Variants in AGBL4 observed in about 807,000 individuals in gnomAD.
The protein encoded by AGBL4 is AGBL carboxypeptidase 4, also known as cytosolic carboxypeptidase 6.
AGBL4 carries 58 observed loss-of-function variants against 66.4 expected under a neutral mutation model. The ratio of observed to expected loss-of-function variants is 0.87; its 90% CI spans 0.71 to 1.09. The LOEUF (loss-of-function observed/expected upper bound fraction) is 1.09, where lower values mean the gene tolerates loss of function less well. AGBL4 is among the 50% of genes least tolerant of loss of function. AGBL4 has a pLI of 0.00. For synonymous variants in AGBL4, 234 were observed against 222.9 expected (o/e 1.05, Z -0.44); for missense variants, 579 against 631.0 (o/e 0.92, Z 0.88).
At chr1:48,648,472 G>A (rs565707723) in intron 8 of AGBL4, among the ~76,000 whole-genome samples, 14 of 152,190 alleles carry the variant, frequency 9.2e-5, no homozygotes, top group Non-Finnish European at 1.8e-4. Context: ...GAGAGTAGGA[G>A]GGAAATAGGC....
rs3054630 is a variant in AGBL4, at chr1:49,465,210, TACACACACACACAC to T, written c.283-219360_283-219347del. Among the ~76,000 whole-genome samples the T allele has an allele frequency of 2.3e-3, 272 of 116,838 alleles. 3 individuals carry two copies. Among genetic ancestry groups the T allele is most frequent in the East Asian group, 0.021 (81 of 3,824 alleles). 76.7% of individuals were successfully genotyped at this position (116,838 alleles called of 152,430 possible). A position where few individuals can be genotyped will look rare whatever the true frequency, so the allele number is the denominator to read the frequency against. On this transcript the variant is annotated intron_variant, in intron 3 of 13. Transcript: ENST00000371839. ...CTGTATTCCCTACCCTACCCCTACATACACACACACACACACACACACACACACACACACACACA... is the reference window on the plus strand; with the variant it reads ...CTGTATTCCCTACCCTACCCCTACATACACACACACACACACACACACACA...
chr1:48,678,145 T>C (rs774633970), intron 6 of AGBL4, among the ~76,000 whole-genome samples: 1 of 151,934 alleles, frequency 6.6e-6, no homozygotes, highest in Non-Finnish European at 1.5e-5. Flanking sequence ...GCTAGGATGG[T>C]CAGGCCTTCT....
chr1:49,900,861 G>C (rs1649696439), intron 1 of AGBL4, among the ~76,000 whole-genome samples: 1 of 152,164 alleles, frequency 6.6e-6, no homozygotes, highest in Non-Finnish European at 1.5e-5. Context: ...AAATGTTTAG[G>C]TAACCTCTGC....
chr1:49,359,902 A>G (rs1644102118), intron 3 of AGBL4, among the ~76,000 whole-genome samples: 2 of 152,148 alleles, frequency 1.3e-5, no homozygotes, highest in Admixed American at 6.5e-5. Context: ...GTACTTCACA[A>G]TTAAAATCAG....
intron 11 of AGBL4, among the ~76,000 whole-genome samples, chr1:48,550,497 C>T (rs1426139393): frequency 1.3e-5 from 2 of 152,104 alleles, no homozygotes; most frequent in Non-Finnish European, 2.9e-5. Flanking sequence ...TATTTAGGAC[C>T]TATCCAGATA....
intron 4 of AGBL4, among the ~76,000 whole-genome samples, chr1:49,150,964 C>T (rs1390896085): frequency 6.6e-6 from 1 of 152,032 alleles, no homozygotes; most frequent in Non-Finnish European, 1.5e-5. Context: ...ATTTAAAACT[C>T]TCTTTAAAAA....
rs181030544 is a variant in AGBL4, at chr1:49,121,380, A to T, written c.378-75580T>A. Among the ~76,000 whole-genome samples the T allele has an allele frequency of 2.2e-3, 331 of 152,304 alleles. 2 individuals are homozygous for T. Among genetic ancestry groups the T allele is most frequent in the African/African-American group, 7.6e-3 (318 of 41,580 alleles). On this transcript the variant is annotated intron_variant, in intron 4 of 13. Transcript: ENST00000371839. ...TTGATCTTTGATGTTGGTGACCTAC[A>T]GATGAGGTTTTGTTGTAGATGCCTT...
chr1:49,105,219 G>A (rs993393074), intron 4 of AGBL4, among the ~76,000 whole-genome samples: 1 of 152,186 alleles, frequency 6.6e-6, no homozygotes, highest in Non-Finnish European at 1.5e-5. Flanking sequence ...TCCCTGGATA[G>A]AGAGGGCGCA....
chr1:48,683,548 C>T (rs1407215285), intron 6 of AGBL4, among the ~76,000 whole-genome samples: 4 of 151,386 alleles, frequency 2.6e-5, no homozygotes, highest in Non-Finnish European at 4.4e-5. Context: ...TGGGATGAGG[C>T]AAAACCACCA....
chr1:48,699,935 A>G (rs970881891), intron 6 of AGBL4, among the ~76,000 whole-genome samples: 26 of 57,816 alleles, frequency 4.5e-4, no homozygotes, highest in Middle Eastern at 9.8e-3. Flanking sequence ...ATATATAAAT[A>G]TACATTATAT....
intron 1 of AGBL4, among the ~76,000 whole-genome samples, chr1:49,864,768 T>C (rs1211449672): frequency 6.6e-6 from 1 of 152,164 alleles, no homozygotes; most frequent in African/African-American, 2.4e-5. Context: ...CCTAAAATTA[T>C]CAAGTTCCTG....
At chr1:49,480,936 C>A (rs1287666034) in intron 3 of AGBL4, among the ~76,000 whole-genome samples, 1 of 151,988 alleles carries the variant, frequency 6.6e-6, no homozygotes, top group Admixed American at 6.6e-5. Flanking sequence ...TGTCACAGAT[C>A]AGATACTTGT....
At chr1:48,568,721 T>C (rs1471423300) in intron 11 of AGBL4, among the ~76,000 whole-genome samples, 1 of 152,214 alleles carries the variant, frequency 6.6e-6, no homozygotes, top group Non-Finnish European at 1.5e-5. Context: ...TGGCCTAGAA[T>C]GTCCATTTCA....
intron 5 of AGBL4, among the ~76,000 whole-genome samples, chr1:48,959,452 T>G (rs975390938): frequency 2.0e-5 from 3 of 152,180 alleles, no homozygotes; most frequent in Non-Finnish European, 4.4e-5. Context: ...GTAATGAATG[T>G]CATAGCTCTC....
At chr1:49,718,508 T>G (rs1648338527) in intron 2 of AGBL4, among the ~76,000 whole-genome samples, 1 of 151,950 alleles carries the variant, frequency 6.6e-6, no homozygotes, top group Non-Finnish European at 1.5e-5. Context: ...AAATTATTAT[T>G]ATATCTACAC....
chr1:49,509,137 GA>G (rs1210204763), intron 3 of AGBL4, among the ~76,000 whole-genome samples: 3 of 151,736 alleles, frequency 2.0e-5, no homozygotes, highest in Non-Finnish European at 4.4e-5. Context: ...GAGGATCAAA[GA>G]AAGCTTCCTA....
intron 6 of AGBL4, among the ~76,000 whole-genome samples, chr1:48,681,671 G>T (rs539910512): frequency 8.0e-4 from 122 of 152,308 alleles, no homozygotes; most frequent in African/African-American, 2.8e-3. Flanking sequence ...CCCACTCCTG[G>T]CTCCTGCCAG....
intron 1 of AGBL4, among the ~76,000 whole-genome samples, chr1:49,866,383 G>A (rs1646701142): frequency 6.6e-6 from 1 of 152,138 alleles, no homozygotes; most frequent in African/African-American, 2.4e-5. Flanking sequence ...CCTAAAAAAA[G>A]GGAAGCCCAT....
chr1:48,837,245 C>T (rs909702619), intron 6 of AGBL4, among the ~76,000 whole-genome samples: 10 of 151,858 alleles, frequency 6.6e-5, no homozygotes, highest in African/African-American at 1.9e-4. Flanking sequence ...AGGCTAGTTA[C>T]GGGTTTGACT....
Sources: allele counts gnomAD v4.1 joint callset (sites outside exome capture counted in the v4.1 genomes callset), GRCh38; gene constraint gnomAD v4.1.1; transcripts MANE v1.5; gene names NCBI Gene and HGNC (gene_info 2026-07-23, HGNC 2026-07-21).